Variants in UNC5D observed in about 807,000 individuals in gnomAD.
UNC5D encodes netrin receptor UNC5D.
In UNC5D, 39 loss-of-function variants were observed where a neutral mutation model predicts 105.4. That is an observed-to-expected ratio of 0.37 (90% CI 0.29 to 0.48). The LOEUF is 0.48. Ranked by LOEUF, UNC5D falls within the 20% of genes least tolerant of loss-of-function variation. The pLI is 0.98. For missense variants in UNC5D, 991 were observed against 1,202.4 expected (o/e 0.82, Z 2.60); for synonymous variants, 452 against 450.4 (o/e 1.00, Z -0.04).
chr8:35,404,257 G>A (rs758020440), intron 1 of UNC5D, among the ~76,000 whole-genome samples: 2 of 152,194 alleles, frequency 1.3e-5, no homozygotes, highest in South Asian at 2.1e-4. Flanking sequence ...GAAGGAAGAA[G>A]CCTCTTAATG....
rs138722940 is a variant in UNC5D at position 35,296,547 on chromosome 8, G to A, written c.103+60660G>A. Reference sequence around the variant, plus strand: ...CAATTCTTCTGCCTCTGCCTCCTGAGTAGTTGTGATTACAGGCGCCCATCC... The same window carrying A: ...CAATTCTTCTGCCTCTGCCTCCTGAATAGTTGTGATTACAGGCGCCCATCC... On this transcript the variant is annotated intron_variant, in intron 1 of 16. Coordinates refer to ENST00000404895, the MANE Select transcript of UNC5D (RefSeq NM_080872.4). 3.6e-3 allele frequency among the ~76,000 whole-genome samples: 551 copies of A among 152,262 alleles called. 15 individuals carry two copies. Among genetic ancestry groups the A allele is most frequent in the Admixed American group, 0.024 (360 of 15,286 alleles).
At position 35,687,308 on chromosome 8, in the gene UNC5D, G is replaced by C. The variant is rs575317600; in HGVS notation, c.1084+599G>C. 1.8e-4 allele frequency among the ~76,000 whole-genome samples: 28 copies of C among 152,168 alleles called. No homozygotes were observed. In the South Asian group the frequency reaches 5.4e-3, roughly 29 times the overall value. ...AATACAAAAATTAGCCAGGCGTGGT[G>C]GTGGGCGCCTGTAGTCCCAGCTACT... On this transcript the variant is annotated intron_variant, in intron 7 of 16. Transcript: ENST00000404895.
chr8:35,777,928 T>A lies in UNC5D; in HGVS notation c.2657+3451T>A, dbSNP rs1586631166. 2.6e-5 allele frequency among the ~76,000 whole-genome samples: 4 copies of A among 152,260 alleles called. No homozygotes were observed. The East Asian group carries it at 7.7e-4, about 29-fold the overall frequency. ...TTCACAGGCAGACCACTAAGTGTGG[T>A]TACCTGGTGACCACGGGCTCTAGGT... On this transcript the variant is annotated intron_variant, in intron 16 of 16. Coordinates refer to ENST00000404895, the MANE Select transcript of UNC5D (RefSeq NM_080872.4).
intron 1 of UNC5D, among the ~76,000 whole-genome samples, chr8:35,438,334 A>T (rs1563418250): frequency 3.3e-5 from 5 of 152,170 alleles, no homozygotes. Flanking sequence ...GAATGTGAAA[A>T]TTTTAAAAAA....
intron 1 of UNC5D, among the ~76,000 whole-genome samples, chr8:35,358,507 C>A (rs1313211782): frequency 6.6e-6 from 1 of 152,062 alleles, no homozygotes; most frequent in Non-Finnish European, 1.5e-5. Context: ...TCAGGGGAAG[C>A]AGAACATCAG....
intron 1 of UNC5D, among the ~76,000 whole-genome samples, chr8:35,518,768 A>C (rs145765374): frequency 7.3e-4 from 111 of 152,276 alleles, no homozygotes; most frequent in African/African-American, 2.6e-3. Flanking sequence ...TGGACTCTCT[A>C]GGAAGACGTG....
At chr8:35,451,657 A>G (rs1423066015) in intron 1 of UNC5D, among the ~76,000 whole-genome samples, 1 of 152,126 alleles carries the variant, frequency 6.6e-6, no homozygotes, top group Non-Finnish European at 1.5e-5. Flanking sequence ...TTGTTCTTCT[A>G]TATTCCAGTC....
intron 4 of UNC5D, among the ~76,000 whole-genome samples, chr8:35,625,607 G>GA (rs1174081142): frequency 2.0e-5 from 3 of 151,944 alleles, no homozygotes; most frequent in African/African-American, 7.2e-5. Context: ...GCTTGCTGAA[G>GA]AAAAAAAGGG....
Position 35,683,726 on chromosome 8 carries a change from C to CTA in UNC5D, c.750_751insTA (p.Val251Ter). On this transcript the variant is annotated frameshift_variant and splice_region_variant, in exon 5 of 17. Transcript: ENST00000404895. LOFTEE classifies it high-confidence loss of function. ...GCCTGTCGGCCACTGTTGTGGTCTA[C>CTA]GGTAAGACCATTCCAAAGGCCAGGA... The CTA allele has an allele frequency of 1.3e-6, 2 of 1,509,152 alleles. No individual in the cohort carries two copies. Among genetic ancestry groups the CTA allele is most frequent in the Non-Finnish European group, 1.8e-6 (2 of 1,135,350 alleles). The allele number at this position is 1,509,152 out of a possible 1,614,324, so 93.5% of individuals were successfully genotyped here. A position where few individuals can be genotyped will look rare whatever the true frequency, so the allele number is the denominator to read the frequency against.
intron 1 of UNC5D, among the ~76,000 whole-genome samples, chr8:35,357,923 A>G (rs1463202777): frequency 1.3e-5 from 2 of 151,576 alleles, no homozygotes; most frequent in Non-Finnish European, 2.9e-5. Flanking sequence ...TTTGCTTATT[A>G]CCTTCTTGGT....
chr8:35,682,527 C>T (rs1018465188), intron 4 of UNC5D, among the ~76,000 whole-genome samples: 1 of 152,080 alleles, frequency 6.6e-6, no homozygotes, highest in African/African-American at 2.4e-5. Context: ...TGGTTGTTGT[C>T]AAACAAGAGA....
intron 1 of UNC5D, among the ~76,000 whole-genome samples, chr8:35,362,748 T>C (rs966580493): frequency 6.6e-6 from 1 of 152,228 alleles, no homozygotes; most frequent in Non-Finnish European, 1.5e-5. Flanking sequence ...GAGATTAGTA[T>C]GCCTTTTCAG....
At chr8:35,404,843 G>A (rs1024414890) in intron 1 of UNC5D, among the ~76,000 whole-genome samples, 5 of 152,204 alleles carry the variant, frequency 3.3e-5, no homozygotes, top group Middle Eastern at 3.4e-3. Context: ...CCTGGCCTCG[G>A]CCTCCCAAAG....
intron 4 of UNC5D, 100 bp downstream of exon 4, chr8:35,595,757 AT>A: frequency 9.9e-7 from 1 of 1,006,004 alleles, no homozygotes; most frequent in Non-Finnish European, 1.5e-6. Context: ...AAAGGAGCCC[AT>A]GTCTGGGATT....
At chr8:35,347,285 G>A (rs939216486) in intron 1 of UNC5D, among the ~76,000 whole-genome samples, 1 of 151,978 alleles carries the variant, frequency 6.6e-6, no homozygotes, top group African/African-American at 2.4e-5. Context: ...AGTGGGCTTT[G>A]TAGGGTGTGT....
intron 9 of UNC5D, among the ~76,000 whole-genome samples, chr8:35,723,140 A>G (rs16884300): frequency 0.07 from 10,620 of 152,186 alleles, 1,045 homozygotes; most frequent in African/African-American, 0.22. Flanking sequence ...CTTGACCCTC[A>G]TCGTCAATAT....
At chr8:35,783,000 G>A (rs775841766) in intron 16 of UNC5D, among the ~76,000 whole-genome samples, 5 of 151,748 alleles carry the variant, frequency 3.3e-5, no homozygotes, top group Non-Finnish European at 5.9e-5. Flanking sequence ...AAAATTAGCC[G>A]GGCATGGTGA....
intron 1 of UNC5D, among the ~76,000 whole-genome samples, chr8:35,482,008 G>C (rs1029489728): frequency 6.6e-6 from 1 of 152,130 alleles, no homozygotes; most frequent in African/African-American, 2.4e-5. Context: ...TGAAGTGTGA[G>C]AGAAATATAT....
At chr8:35,286,918 C>T (rs2128856934) in intron 1 of UNC5D, among the ~76,000 whole-genome samples, 1 of 152,328 alleles carries the variant, frequency 6.6e-6, no homozygotes, top group South Asian at 2.1e-4. Flanking sequence ...CAACTTGCAA[C>T]TCTACCTAAT....
Sources: gnomAD v4.1 joint callset for allele counts (sites outside exome capture counted in the v4.1 genomes callset) on GRCh38, gnomAD v4.1.1 for gene constraint, MANE v1.5 for transcripts, NCBI Gene and HGNC (gene_info 2026-07-23, HGNC 2026-07-21) for gene names.